GPRIN3: variants seen among roughly 807,000 people sequenced by gnomAD.
GPRIN3 encodes the protein GPRIN family member 3.
A neutral mutation model predicts 13.7 loss-of-function variants in GPRIN3; 12 were observed. That is an observed-to-expected ratio of 0.87 (90% CI 0.56 to 1.42). The LOEUF (loss-of-function observed/expected upper bound fraction) is 1.42, where lower values mean the gene tolerates loss of function less well. GPRIN3 is among the 40% of genes most tolerant of loss of function. The probability of loss-of-function intolerance (pLI) is 0.00; values close to 1 mark genes in which losing one functional copy is unlikely to be tolerated. For missense variants in GPRIN3, 1,009 were observed against 958.7 expected, an observed-to-expected ratio of 1.05 and a Z score of -0.69; for synonymous variants, 377 against 372.7, an observed-to-expected ratio of 1.01 and a Z score of -0.13.
intron 1 of GPRIN3, among the ~76,000 whole-genome samples, chr4:89,282,930 G>C (rs2149280153): frequency 6.6e-6 from 1 of 152,284 alleles, no homozygotes; most frequent in South Asian, 2.1e-4. Context: ...TCACTAATTT[G>C]ATGACTTGCC....
rs1722812117 is a variant in GPRIN3, at chr4:89,237,178, A to G, written c.*10602T>C. The G allele has an allele frequency of 6.6e-6, 1 of 152,200 alleles. No individual in the cohort carries two copies. Among genetic ancestry groups the G allele is most frequent in the Admixed American group, 6.5e-5 (1 of 15,278 alleles). The allele number at this position is 152,200 out of a possible 1,614,324, so 9.4% of individuals were successfully genotyped here. A position where few individuals can be genotyped will look rare whatever the true frequency, so the allele number is the denominator to read the frequency against. On this transcript the variant is annotated 3_prime_UTR_variant, in exon 2 of 2. Coordinates refer to ENST00000609438, the MANE Select transcript of GPRIN3 (RefSeq NM_198281.3). ...TTTCAGCTTCCATCCAGACAATTTG[A>G]ATTTCAACTATGTTAGACCTCTGTG...
intron 1 of GPRIN3, among the ~76,000 whole-genome samples, chr4:89,270,602 A>T (rs199541516): frequency 0.061 from 3,370 of 55,390 alleles, 121 homozygotes; most frequent in African/African-American, 0.23. Flanking sequence ...TATATATATA[A>T]AATATAGATA....
chr4:89,263,234 T>A (rs960049802), intron 1 of GPRIN3, among the ~76,000 whole-genome samples: 1 of 152,238 alleles, frequency 6.6e-6, no homozygotes, highest in African/African-American at 2.4e-5. Context: ...ATAAAAAATT[T>A]TAATCGTTCC....
At position 89,242,915 on chromosome 4, in the gene GPRIN3, C is replaced by T. The variant is rs1325712952; in HGVS notation, c.*4865G>A. The T allele has an allele frequency of 6.6e-6, 1 of 152,198 alleles. No homozygotes were observed. Among genetic ancestry groups the T allele is most frequent in the Non-Finnish European group, 1.5e-5 (1 of 68,032 alleles). 9.4% of individuals were successfully genotyped at this position (152,198 alleles called of 1,614,324 possible). A position where few individuals can be genotyped will look rare whatever the true frequency, so the allele number is the denominator to read the frequency against. ...ATTATCATCACGTTTACTTACCTAA[C>T]AGCCAAAAATAATGTTTCAGGATTG... On this transcript the variant is annotated 3_prime_UTR_variant, in exon 2 of 2. Coordinates refer to ENST00000609438, the MANE Select transcript of GPRIN3 (RefSeq NM_198281.3).
intron 1 of GPRIN3, among the ~76,000 whole-genome samples, chr4:89,260,089 G>A (rs949443651): frequency 5.9e-5 from 9 of 152,196 alleles, no homozygotes; most frequent in Non-Finnish European, 1.2e-4. Flanking sequence ...TTACAGGCGT[G>A]AGCCACCACG....
At chr4:89,287,008 C>A (rs1724440313) in intron 1 of GPRIN3, among the ~76,000 whole-genome samples, 1 of 152,112 alleles carries the variant, frequency 6.6e-6, no homozygotes, top group African/African-American at 2.4e-5. Flanking sequence ...TCTCTAAAAA[C>A]AAAACAACTA....
chr4:89,271,873 A>C (rs1723961192), intron 1 of GPRIN3, among the ~76,000 whole-genome samples: 1 of 152,108 alleles, frequency 6.6e-6, no homozygotes, highest in Admixed American at 6.5e-5. Context: ...GAAACCTCAA[A>C]CCCAATGTGA....
At position 89,245,338 on chromosome 4, in the gene GPRIN3, T is replaced by C. The variant is rs570110138; in HGVS notation, c.*2442A>G. The C allele has an allele frequency of 6.6e-6, 1 of 152,254 alleles. No individual in the cohort carries two copies. The highest frequency in any genetic ancestry group is 2.4e-5 in the African/African-American group (1 of 41,552). 9.4% of individuals were successfully genotyped at this position (152,254 alleles called of 1,614,324 possible). A position where few individuals can be genotyped will look rare whatever the true frequency, so the allele number is the denominator to read the frequency against. ...AATTTGGTCCCAGCACCAAAGAAAA[T>C]CAGTTAAACTCAGTACATTAAACAA... On this transcript the variant is annotated 3_prime_UTR_variant, in exon 2 of 2. Transcript: ENST00000609438.
chr4:89,292,989 A>G (rs894284779), intron 1 of GPRIN3, among the ~76,000 whole-genome samples: 5 of 152,228 alleles, frequency 3.3e-5, no homozygotes, highest in African/African-American at 1.2e-4. Flanking sequence ...AGATGAGTTC[A>G]GTGGTAAATG....
chr4:89,253,526 T>C (rs1032472642), intron 1 of GPRIN3, among the ~76,000 whole-genome samples: 2 of 152,158 alleles, frequency 1.3e-5, no homozygotes, highest in Admixed American at 1.3e-4. Flanking sequence ...AGGAAGTTAA[T>C]TCGCCAAAGA....
intron 1 of GPRIN3, among the ~76,000 whole-genome samples, chr4:89,291,536 C>T (rs1274621504): frequency 6.6e-6 from 1 of 152,216 alleles, no homozygotes; most frequent in East Asian, 1.9e-4. Flanking sequence ...GACATTGTTT[C>T]ACTGCATGAA....
intron 1 of GPRIN3, among the ~76,000 whole-genome samples, chr4:89,258,999 T>C (rs762543021): frequency 2.6e-5 from 4 of 152,250 alleles, no homozygotes; most frequent in Non-Finnish European, 5.9e-5. Flanking sequence ...TAAAAATTCG[T>C]ATTTTGGCAT....
At chr4:89,305,584 T>A (rs1725011587) in intron 1 of GPRIN3, among the ~76,000 whole-genome samples, 2 of 152,180 alleles carry the variant, frequency 1.3e-5, no homozygotes, top group Admixed American at 1.3e-4. Context: ...GTCCTCCTTC[T>A]CTGAGCCCAA....
intron 1 of GPRIN3, among the ~76,000 whole-genome samples, chr4:89,283,018 G>A (rs1354854475): frequency 1.3e-5 from 2 of 152,120 alleles, no homozygotes; most frequent in African/African-American, 4.8e-5. Context: ...ATGCACATAC[G>A]TTCAGGCCTA....
chr4:89,270,754 G>T (rs1310832937), intron 1 of GPRIN3, among the ~76,000 whole-genome samples: 3 of 151,430 alleles, frequency 2.0e-5, no homozygotes, highest in Non-Finnish European at 2.9e-5. Context: ...GCCCAGGCTG[G>T]TTTGCTATAA....
At chr4:89,279,222 C>T (rs961375991) in intron 1 of GPRIN3, among the ~76,000 whole-genome samples, 1 of 152,206 alleles carries the variant, frequency 6.6e-6, no homozygotes. Flanking sequence ...ACAAATAGCT[C>T]ATAATAGCAG....
At chr4:89,307,347 T>C (rs1474895787) in intron 1 of GPRIN3, among the ~76,000 whole-genome samples, 1 of 151,338 alleles carries the variant, frequency 6.6e-6, no homozygotes, top group Non-Finnish European at 1.5e-5. Flanking sequence ...GATTATAAAT[T>C]TCCCTGCCCA....
chr4:89,262,129 A>G (rs979643448), intron 1 of GPRIN3, among the ~76,000 whole-genome samples: 4 of 151,156 alleles, frequency 2.6e-5, no homozygotes, highest in African/African-American at 9.7e-5. Context: ...CAGTCTCAAA[A>G]AAAAAAAAAA....
At chr4:89,296,434 T>C (rs1367614452) in intron 1 of GPRIN3, among the ~76,000 whole-genome samples, 1 of 152,220 alleles carries the variant, frequency 6.6e-6, no homozygotes, top group Non-Finnish European at 1.5e-5. Context: ...TTGTCTGAAA[T>C]AGGCCTCCTG....
Sources: gnomAD v4.1 joint callset for allele counts (sites outside exome capture counted in the v4.1 genomes callset) on GRCh38, gnomAD v4.1.1 for gene constraint, MANE v1.5 for transcripts, NCBI Gene and HGNC (gene_info 2026-07-23, HGNC 2026-07-21) for gene names.